CDH23: variants seen among roughly 807,000 people sequenced by gnomAD.
CDH23 encodes cadherin related 23.
A neutral mutation model predicts 317.1 loss-of-function variants in CDH23; 189 were observed. That is an observed-to-expected ratio of 0.60 (90% CI 0.53 to 0.67). The LOEUF (loss-of-function observed/expected upper bound fraction) is 0.67, where lower values mean the gene tolerates loss of function less well. CDH23 is among the 30% of genes least tolerant of loss of function. CDH23 has a pLI of 0.00. For missense variants in CDH23, 4,401 were observed against 4,592.4 expected, an observed-to-expected ratio of 0.96 and a Z score of 1.20; for synonymous variants, 1,839 against 1,876.8, an observed-to-expected ratio of 0.98 and a Z score of 0.52.
At chr10:71,628,044 A>T (rs1861830600) in intron 11 of CDH23, among the ~76,000 whole-genome samples, 1 of 151,900 alleles carries the variant, frequency 6.6e-6, no homozygotes, top group Non-Finnish European at 1.5e-5. Flanking sequence ...ACCCCACCTC[A>T]TACCCCTAAC....
intron 61 of CDH23, 52 bp downstream of exon 61, chr10:71,810,128 A>G: frequency 6.3e-7 from 1 of 1,596,694 alleles, no homozygotes. Flanking sequence ...AAGGAAGGGG[A>G]GGCCAGGCCA....
At chr10:71,703,658 G>T (rs780846217) in intron 24 of CDH23, among the ~76,000 whole-genome samples, 2 of 152,194 alleles carry the variant, frequency 1.3e-5, no homozygotes, top group African/African-American at 4.8e-5. Flanking sequence ...TGCCAGAGGG[G>T]GTGAGCTTGG....
chr10:71,763,072 A>G (rs1840437121), intron 38 of CDH23, among the ~76,000 whole-genome samples: 2 of 152,254 alleles, frequency 1.3e-5, no homozygotes. Flanking sequence ...GGGTTGCAAA[A>G]GGACTAGATG....
chr10:71,629,020 T>A (rs1211744405), intron 11 of CDH23, among the ~76,000 whole-genome samples: 1 of 152,002 alleles, frequency 6.6e-6, no homozygotes, highest in Non-Finnish European at 1.5e-5. Context: ...AGCACACAGG[T>A]AGCAGGCGCC....
intron 1 of CDH23, among the ~76,000 whole-genome samples, chr10:71,427,195 G>GAAAGAAAGAA (rs1554823329): frequency 2.3e-4 from 23 of 98,932 alleles, no homozygotes; most frequent in Admixed American, 1.5e-3. Flanking sequence ...AGGAAGGAAA[G>GAAAGAAAGAA]AGAAAGAAAG....
intron 6 of CDH23, among the ~76,000 whole-genome samples, chr10:71,552,982 C>T (rs1466799042): frequency 6.6e-6 from 1 of 152,174 alleles, no homozygotes; most frequent in Non-Finnish European, 1.5e-5. Context: ...ATCCAGTCCC[C>T]CCACTCCCAG....
chr10:71,616,726 G>A (rs761546379), intron 10 of CDH23, among the ~76,000 whole-genome samples: 7 of 152,228 alleles, frequency 4.6e-5, no homozygotes, highest in Non-Finnish European at 8.8e-5. Context: ...GGACACCCAG[G>A]TATCTGAATC....
chr10:71,811,151 G>A lies in CDH23; in HGVS notation c.9078-164G>A, dbSNP rs187025830. 1.4e-3 allele frequency among the ~76,000 whole-genome samples: 207 copies of A among 150,704 alleles called. 2 individuals carry two copies. Among genetic ancestry groups the A allele is most frequent in the Admixed American group, 2.8e-3 (42 of 15,154 alleles). ...GGATGGAACAGGATCCTACATGAAG[G>A]TTCGAGGAACCTTGTAAAACACAAA... is the stretch of plus-strand genomic sequence containing the variant. On this transcript the variant is annotated intron_variant, in intron 62 of 69. Coordinates refer to ENST00000224721, the MANE Select transcript of CDH23 (RefSeq NM_022124.6).
intron 11 of CDH23, among the ~76,000 whole-genome samples, chr10:71,627,640 G>A (rs897148879): frequency 3.3e-5 from 5 of 152,106 alleles, no homozygotes; most frequent in Admixed American, 1.3e-4. Flanking sequence ...TCCACACGCC[G>A]GTTCCCGCAG....
chr10:71,792,325 C>T (rs997721667), intron 47 of CDH23, among the ~76,000 whole-genome samples: 18 of 151,354 alleles, frequency 1.2e-4, no homozygotes, highest in Admixed American at 2.6e-4. Context: ...AAATAAAAAC[C>T]AAAAGAAAAT....
chr10:71,456,330 C>A (rs1378254615), intron 3 of CDH23, among the ~76,000 whole-genome samples: 1 of 151,714 alleles, frequency 6.6e-6, no homozygotes, highest in Non-Finnish European at 1.5e-5. Flanking sequence ...TGACAGAACC[C>A]CCAGGAGGGC....
chr10:71,443,486 C>T (rs921065877), intron 2 of CDH23, among the ~76,000 whole-genome samples: 2 of 152,362 alleles, frequency 1.3e-5, no homozygotes, highest in African/African-American at 4.8e-5. Flanking sequence ...CTTCTCTCCC[C>T]TCTCTCCTCA....
rs756723824 is a variant in CDH23 at position 71,706,939 on chromosome 10, T to C, written c.2996T>C (p.Val999Ala). 3.7e-6 allele frequency: 6 copies of C among 1,606,948 alleles called. No individual in the cohort carries two copies. The East Asian group carries it at 6.7e-5, about 18-fold the overall frequency. ...NDETPTFFPA[V>A]YNVSVSEDVP... The stretch of plus-strand genomic sequence containing the variant: ...GAGACGCCCACCTTCTTCCCGGCCG[T>C]GTACAATGTGTCTGTGTCCGAGGAC... The change falls in exon 26 of 70, where the codon GTG (valine) becomes GCG (alanine). Residue 999 changes from valine (V) to alanine (A), a missense_variant. This residue lies in a region of CDH23 where 3,068 missense variants were observed against 3,203.3 expected (regional missense o/e 0.96). Coordinates refer to ENST00000224721, the MANE Select transcript of CDH23 (RefSeq NM_022124.6).
intron 3 of CDH23, among the ~76,000 whole-genome samples, chr10:71,480,649 C>A (rs569203042): frequency 9.2e-5 from 14 of 152,258 alleles, no homozygotes; most frequent in African/African-American, 2.6e-4. Flanking sequence ...TCAGGGATGG[C>A]GTCCACGACC....
At position 71,696,424 on chromosome 10, in the gene CDH23, G is replaced by A. The variant is rs887649503; in HGVS notation, c.2397+899G>A. 7.2e-5 allele frequency among the ~76,000 whole-genome samples: 11 copies of A among 152,214 alleles called. 1 individual carries two copies. Among genetic ancestry groups the A allele is most frequent in the Admixed American group, 4.6e-4 (7 of 15,284 alleles). ...TAATCTCACAAGGCAGAGGGATTCC[G>A]TTGCCACTGCACTGTGGAGGAGACA... On this transcript the variant is annotated intron_variant, in intron 22 of 69. Transcript: ENST00000224721.
At chr10:71,731,909 G>A (rs1009297469) in intron 31 of CDH23, 78 bp from the exon 32 acceptor site, 7 of 1,496,630 alleles carry the variant, frequency 4.7e-6, no homozygotes, top group African/African-American at 1.4e-5. Flanking sequence ...GGGGGTATGG[G>A]TGTGGCAGCT....
At position 71,814,885 on chromosome 10, in the gene CDH23, T is replaced by C. The variant is rs1842075663; in HGVS notation, c.9739-67T>C. The C allele has an allele frequency of 2.7e-6, 4 of 1,498,996 alleles. No individual in the cohort carries two copies. In the South Asian group the frequency reaches 3.9e-5, roughly 15 times the overall value. 92.9% of individuals were successfully genotyped at this position (1,498,996 alleles called of 1,614,324 possible). On this transcript the variant is annotated intron_variant, in intron 69 of 69. Transcript: ENST00000224721. Reference sequence around the variant, plus strand: ...TTCAGCCACATAGCCAGTGGGTCTCTGGGGCCATCCACCTGCTCACCCCTT... The same window carrying C: ...TTCAGCCACATAGCCAGTGGGTCTCCGGGGCCATCCACCTGCTCACCCCTT...
intron 1 of CDH23, among the ~76,000 whole-genome samples, chr10:71,419,239 T>G (rs1204872123): frequency 6.6e-6 from 1 of 152,200 alleles, no homozygotes. Flanking sequence ...TAGGTGGGCC[T>G]GTCCCAGAGC....
At chr10:71,738,675 T>A in intron 35 of CDH23, 28 bp downstream of exon 35, 1 of 1,607,216 alleles carries the variant, frequency 6.2e-7, no homozygotes, top group Non-Finnish European at 8.5e-7. Context: ...ACAGCCAGGA[T>A]CCACCATGTC....
Sources: gnomAD v4.1 joint callset for allele counts (sites outside exome capture counted in the v4.1 genomes callset) on GRCh38, gnomAD v4.1.1 for gene constraint, gnomAD v4.1.1 regional missense constraint, MANE v1.5 for transcripts, NCBI Gene and HGNC (gene_info 2026-07-23, HGNC 2026-07-21) for gene names.